NOSIP: variants seen among roughly 807,000 people sequenced by gnomAD.
The protein encoded by NOSIP is nitric oxide synthase interacting protein.
NOSIP carries 25 observed loss-of-function variants against 36.4 expected under a neutral mutation model. The observed-to-expected ratio is 0.69, with a 90% CI of 0.50 to 0.96. The LOEUF (loss-of-function observed/expected upper bound fraction) is 0.96. Among genes scored for constraint, NOSIP ranks in the 40% least tolerant of loss-of-function variants. NOSIP has a pLI of 0.00. For missense variants in NOSIP, 370 were observed against 429.0 expected, an observed-to-expected ratio of 0.86 and a Z score of 1.21; for synonymous variants, 187 against 179.2, an observed-to-expected ratio of 1.04 and a Z score of -0.35.
chr19:49,559,840 G>A, intron 3 of NOSIP, 94 bp downstream of exon 3: 1 of 822,528 alleles, frequency 1.2e-6, no homozygotes, highest in Non-Finnish European at 2.1e-6. Flanking sequence ...GGGTTCCCTG[G>A]CTGTGCAGGT....
chr19:49,569,487 C>T lies in NOSIP; in HGVS notation c.-1-8795G>A, dbSNP rs187824466. Among the ~76,000 whole-genome samples the T allele has an allele frequency of 4.4e-3, 639 of 145,764 alleles. 4 individuals are homozygous for T. The highest frequency in any genetic ancestry group is 8.3e-3 in the Admixed American group (124 of 14,866). The stretch of plus-strand genomic sequence containing the variant: ...TGCTGGGATTACAGGTGTGAGCCAC[C>T]GTGCCTGGCCTACAATGATACATTT... On this transcript the variant is annotated intron_variant, in intron 1 of 8. Transcript: ENST00000596358.
Position 49,557,012 on chromosome 19 carries a change from A to C in NOSIP, c.419-19T>G. ...ACATCATCTGTGGGGGAAGGAAGGGACTCAGATGCCGCCCCCTGGGCCCGC... is the reference window on the plus strand; with the variant it reads ...ACATCATCTGTGGGGGAAGGAAGGGCCTCAGATGCCGCCCCCTGGGCCCGC... On this transcript the variant is annotated intron_variant, in intron 5 of 8. Transcript: ENST00000596358. 1 of 1,598,074 alleles carries C rather than the reference A, an allele frequency of 6.3e-7. No individual in the cohort carries two copies. The highest frequency in any genetic ancestry group is 8.5e-7 in the Non-Finnish European group (1 of 1,171,448).
intron 1 of NOSIP, among the ~76,000 whole-genome samples, chr19:49,573,922 C>T (rs998063792): frequency 3.3e-5 from 5 of 149,260 alleles, no homozygotes; most frequent in African/African-American, 7.5e-5. Context: ...TGCAGTGGCA[C>T]GATCTTGACT....
intron 1 of NOSIP, among the ~76,000 whole-genome samples, chr19:49,561,030 A>G (rs1184468170): frequency 6.6e-6 from 1 of 152,134 alleles, no homozygotes; most frequent in Non-Finnish European, 1.5e-5. Flanking sequence ...AGGGGAAAAA[A>G]AAAGACACCA....
intron 4 of NOSIP, 27 bp downstream of exon 4, chr19:49,558,870 G>C: frequency 6.3e-7 from 1 of 1,591,878 alleles, no homozygotes; most frequent in Non-Finnish European, 8.6e-7. Context: ...CTGCCTCCGT[G>C]TGCCGCCTCC....
At chr19:49,575,674 T>C (rs1302042957) in intron 1 of NOSIP, among the ~76,000 whole-genome samples, 2 of 152,150 alleles carry the variant, frequency 1.3e-5, no homozygotes, top group African/African-American at 2.4e-5. Flanking sequence ...ACAGCCCCTG[T>C]AAGTACTCCA....
chr19:49,580,108 C>T (rs1416427338), intron 1 of NOSIP, among the ~76,000 whole-genome samples: 1 of 150,888 alleles, frequency 6.6e-6, no homozygotes, highest in Non-Finnish European at 1.5e-5. Context: ...CGTCCCACCA[C>T]AGTCTGAGAA....
intron 1 of NOSIP, among the ~76,000 whole-genome samples, chr19:49,567,154 G>A (rs1232143323): frequency 1.8e-5 from 2 of 112,474 alleles, no homozygotes; most frequent in Middle Eastern, 9.3e-3. Context: ...ACGGAGTCTC[G>A]CTCTGTCTCC....
At chr19:49,559,851 G>A (rs1220587595) in intron 3 of NOSIP, 83 bp downstream of exon 3, 2 of 943,622 alleles carry the variant, frequency 2.1e-6, no homozygotes, top group Non-Finnish European at 3.4e-6. Context: ...CTGTGCAGGT[G>A]GCCAGACCCA....
intron 1 of NOSIP, among the ~76,000 whole-genome samples, chr19:49,567,758 G>T (rs990437841): frequency 2.6e-5 from 4 of 151,948 alleles, no homozygotes; most frequent in African/African-American, 4.8e-5. Context: ...CAACCTCTCT[G>T]CCTCCTGTGT....
rs1356188104 is a variant in NOSIP, at chr19:49,560,005, C to T, written c.105G>A (p.Leu35=). 13 of 1,613,816 alleles carry T rather than the reference C, an allele frequency of 8.1e-6. No homozygotes were observed. The highest frequency in any genetic ancestry group is 1.1e-5 in the Non-Finnish European group (13 of 1,179,922). ...ASGYGTQNIR[L]SRDAVKDFDC... is the part of the protein sequence containing the mutation. ...CGAAGTCCTTCACGGCATCCCGGCT[C>T]AGTCGAATGTTCTGGGTCCCATAGC... Residue 35 remains leucine (L), a synonymous_variant, in exon 3 of 9, where the codon CTG becomes CTA. Transcript: ENST00000596358. The surrounding 1 kb of genome is among the most constrained non-coding windows in gnomAD (Gnocchi z 4.6).
At chr19:49,579,486 T>C (rs542639743) in intron 1 of NOSIP, among the ~76,000 whole-genome samples, 1 of 152,338 alleles carries the variant, frequency 6.6e-6, no homozygotes, top group Non-Finnish European at 1.5e-5. Flanking sequence ...TTAGCCCACC[T>C]GATAAAGGAA....
In NOSIP at chr19:49,556,984, T is replaced by G; in HGVS notation, c.428A>C (p.Gln143Pro). Residue 143 changes from glutamine (Q) to proline (P), a missense_variant, in exon 6 of 9, where the codon CAA becomes CCA. Gln to Pro is a moderately conservative substitution (Grantham distance 76). This residue lies in a region of NOSIP where 315 missense variants were observed against 331.9 expected (regional missense o/e 0.95). Transcript: ENST00000596358. ...ALSGTSPDDV[Q>P]PGPSVGPPSK... is the part of the protein sequence containing the mutation. ...TGGAGGACCCACACTGGGCCCAGGT[T>G]GGACATCATCTGTGGGGGAAGGAAG... is the stretch of plus-strand genomic sequence containing the variant. The G allele has an allele frequency of 6.2e-7, 1 of 1,608,802 alleles. No homozygotes were observed. Among genetic ancestry groups the G allele is most frequent in the Non-Finnish European group, 8.5e-7 (1 of 1,177,574 alleles).
chr19:49,561,924 G>A (rs958235884), intron 1 of NOSIP, among the ~76,000 whole-genome samples: 6 of 151,144 alleles, frequency 4.0e-5, no homozygotes, highest in African/African-American at 1.5e-4. Context: ...CCAAGATAAT[G>A]CACATTTATT....
intron 1 of NOSIP, among the ~76,000 whole-genome samples, chr19:49,568,798 G>GTTTTTTT (rs750047416): frequency 3.7e-5 from 4 of 106,902 alleles, no homozygotes; most frequent in African/African-American, 7.0e-5. Flanking sequence ...AAAAAAAATA[G>GTTTTTTT]TTTGTTTGTT....
Position 49,555,705 on chromosome 19 carries a change from ACGT to A in NOSIP, c.*43_*45del. The A allele has an allele frequency of 6.4e-7, 1 of 1,552,374 alleles. No individual in the cohort carries two copies. Among genetic ancestry groups the A allele is most frequent in the East Asian group, 2.3e-5 (1 of 44,370 alleles). On this transcript the variant is annotated 3_prime_UTR_variant, in exon 9 of 9. Coordinates refer to ENST00000596358, the MANE Select transcript of NOSIP (RefSeq NM_001270960.2). Reference sequence around the variant, plus strand: ...CGCCCACGCCGCGAATGAAGGCGCCACGTCGTTGCGCACCCAAGCCGGTTTATT... The same window carrying A: ...CGCCCACGCCGCGAATGAAGGCGCCACGTTGCGCACCCAAGCCGGTTTATT...
chr19:49,579,695 G>C (rs2080599997), intron 1 of NOSIP, among the ~76,000 whole-genome samples: 1 of 152,098 alleles, frequency 6.6e-6, no homozygotes, highest in Admixed American at 6.6e-5. Flanking sequence ...TGCCAATTAA[G>C]ATCTTCTCAC....
Position 49,560,017 on chromosome 19 carries a change from C to T in NOSIP, c.93G>A (p.Gln31=), listed in dbSNP as rs188099064. The T allele has an allele frequency of 1.2e-6, 2 of 1,613,762 alleles. No homozygotes were observed. Among genetic ancestry groups the T allele is most frequent in the Non-Finnish European group, 1.7e-6 (2 of 1,179,790 alleles). Residue 31 remains glutamine, a synonymous_variant, in exon 3 of 9, where the codon CAG becomes CAA. Coordinates refer to ENST00000596358, the MANE Select transcript of NOSIP (RefSeq NM_001270960.2). This position sits in a 1 kb window ranked among gnomAD's most constrained non-coding sequence, Gnocchi z 4.6. ...KDTAASGYGT[Q]NIRLSRDAVK... ...CGGCATCCCGGCTCAGTCGAATGTT[C>T]TGGGTCCCATAGCCCGAGGCCGCTG...
chr19:49,571,545 C>A (rs574031031), intron 1 of NOSIP, among the ~76,000 whole-genome samples: 1 of 152,294 alleles, frequency 6.6e-6, no homozygotes, highest in East Asian at 1.9e-4. Flanking sequence ...ATAATCCCTA[C>A]CTCACAGCAC....
Sources: allele counts gnomAD v4.1 joint callset (sites outside exome capture counted in the v4.1 genomes callset), GRCh38; gene constraint gnomAD v4.1.1; regional missense constraint gnomAD v4.1.1; non-coding constraint Gnocchi (gnomAD v3.1); transcripts MANE v1.5; gene names NCBI Gene and HGNC (gene_info 2026-07-23, HGNC 2026-07-21).